LRRC4C: variants seen among roughly 807,000 people sequenced by gnomAD.
LRRC4C encodes the protein leucine rich repeat containing 4C.
Under a neutral mutation model 33.6 loss-of-function variants are expected in LRRC4C, and 5 were observed. The ratio of observed to expected loss-of-function variants is 0.15; its 90% CI spans 0.08 to 0.31. LRRC4C has a LOEUF of 0.31. Among genes scored for constraint, LRRC4C ranks in the 10% least tolerant of loss-of-function variants. The probability of loss-of-function intolerance (pLI) is 1.00; values close to 1 mark genes in which losing one functional copy is unlikely to be tolerated. For missense variants in LRRC4C, 560 were observed against 796.7 expected (o/e 0.70, Z 3.58); for synonymous variants, 329 against 302.0 (o/e 1.09, Z -0.93).
At chr11:40,746,179 A>G (rs911579908) in intron 2 of LRRC4C, among the ~76,000 whole-genome samples, 10 of 152,144 alleles carry the variant, frequency 6.6e-5, no homozygotes, top group African/African-American at 2.4e-4. Flanking sequence ...TGTTTCCACC[A>G]TGGACTCATG....
At chr11:40,966,133 C>G (rs539355994) in intron 1 of LRRC4C, among the ~76,000 whole-genome samples, 1 of 151,888 alleles carries the variant, frequency 6.6e-6, no homozygotes, top group East Asian at 1.9e-4. Flanking sequence ...GAAGTATTTG[C>G]GAGTAGAGAT....
intron 3 of LRRC4C, among the ~76,000 whole-genome samples, chr11:40,353,741 A>C (rs919995793): frequency 1.3e-5 from 2 of 152,060 alleles, no homozygotes; most frequent in African/African-American, 4.8e-5. Context: ...CTCTTTATTA[A>C]ATTTATTTGA....
chr11:40,503,783 T>G (rs1954898063), intron 3 of LRRC4C, among the ~76,000 whole-genome samples: 1 of 152,194 alleles, frequency 6.6e-6, no homozygotes, highest in African/African-American at 2.4e-5. Flanking sequence ...GGCCTTATTT[T>G]ATTAGTGTGG....
intron 3 of LRRC4C, among the ~76,000 whole-genome samples, chr11:40,434,361 G>A (rs963619684): frequency 2.0e-5 from 3 of 152,212 alleles, no homozygotes; most frequent in African/African-American, 4.8e-5. Flanking sequence ...AGGGCGAGCT[G>A]TATTCTTCTG....
At chr11:41,117,622 A>G (rs1043917260) in intron 1 of LRRC4C, among the ~76,000 whole-genome samples, 1 of 152,174 alleles carries the variant, frequency 6.6e-6, no homozygotes, top group Non-Finnish European at 1.5e-5. Flanking sequence ...TCTAAGGAAA[A>G]TATTTGATAG....
At chr11:41,440,349 C>A (rs1241170529) in intron 1 of LRRC4C, among the ~76,000 whole-genome samples, 1 of 152,032 alleles carries the variant, frequency 6.6e-6, no homozygotes, top group African/African-American at 2.4e-5. Context: ...ATGGCATAAT[C>A]TAATGATGAT....
intron 2 of LRRC4C, among the ~76,000 whole-genome samples, chr11:40,664,477 GGA>G (rs1399379484): frequency 6.6e-6 from 1 of 150,548 alleles, no homozygotes. Flanking sequence ...CCCGATGGGT[GGA>G]GGTTGCAGTG....
chr11:41,226,960 C>T (rs1187314694), intron 1 of LRRC4C, among the ~76,000 whole-genome samples: 1 of 151,648 alleles, frequency 6.6e-6, no homozygotes, highest in Non-Finnish European at 1.5e-5. Context: ...GTTATTTGTC[C>T]TTCCTTCCTT....
chr11:40,618,974 G>A (rs893862126), intron 3 of LRRC4C, among the ~76,000 whole-genome samples: 3 of 151,618 alleles, frequency 2.0e-5, no homozygotes, highest in African/African-American at 4.8e-5. Context: ...TCAAAGGTCC[G>A]GGGTTAGTAT....
At chr11:41,415,607 T>G (rs575095393) in intron 1 of LRRC4C, among the ~76,000 whole-genome samples, 4 of 152,068 alleles carry the variant, frequency 2.6e-5, no homozygotes, top group Non-Finnish European at 5.9e-5. Context: ...GTCCCCAACA[T>G]GGATGGGTAA....
At chr11:41,009,686 T>C (rs1412892683) in intron 1 of LRRC4C, among the ~76,000 whole-genome samples, 1 of 152,076 alleles carries the variant, frequency 6.6e-6, no homozygotes, top group Non-Finnish European at 1.5e-5. Flanking sequence ...ATAAAATACA[T>C]AGTTTCTCTT....
chr11:40,201,835 A>T (rs138464899), intron 5 of LRRC4C, among the ~76,000 whole-genome samples: 1 of 152,200 alleles, frequency 6.6e-6, no homozygotes, highest in South Asian at 2.1e-4. Context: ...AACGTGGGGT[A>T]GAAAATGAAG....
intron 2 of LRRC4C, among the ~76,000 whole-genome samples, chr11:40,909,131 G>T (rs1016788535): frequency 1.3e-5 from 2 of 152,022 alleles, no homozygotes; most frequent in African/African-American, 4.8e-5. Context: ...AAGCTTTGAG[G>T]GTAGGGGTTG....
intron 3 of LRRC4C, among the ~76,000 whole-genome samples, chr11:40,574,153 G>A (rs1420175104): frequency 6.6e-6 from 1 of 152,160 alleles, no homozygotes; most frequent in Non-Finnish European, 1.5e-5. Context: ...TATTTCAATT[G>A]ATTCTCCTGT....
chr11:40,573,514 A>G (rs1008446460), intron 3 of LRRC4C, among the ~76,000 whole-genome samples: 41 of 152,106 alleles, frequency 2.7e-4, no homozygotes, highest in Non-Finnish European at 5.0e-4. Context: ...TTCTTTTTTC[A>G]GACTCAGTTC....
At chr11:41,166,924 C>T (rs1346003821) in intron 1 of LRRC4C, among the ~76,000 whole-genome samples, 1 of 152,108 alleles carries the variant, frequency 6.6e-6, no homozygotes, top group Non-Finnish European at 1.5e-5. Flanking sequence ...AACCCCTCTC[C>T]CCCATACAAA....
At chr11:40,620,831 A>G (rs560309432) in intron 3 of LRRC4C, among the ~76,000 whole-genome samples, 13 of 151,804 alleles carry the variant, frequency 8.6e-5, no homozygotes, top group Non-Finnish European at 1.8e-4. Context: ...TGGTAGGGAA[A>G]GTACAATAAT....
At chr11:40,154,138 C>G (rs1400043935) in intron 5 of LRRC4C, among the ~76,000 whole-genome samples, 1 of 152,056 alleles carries the variant, frequency 6.6e-6, no homozygotes, top group Non-Finnish European at 1.5e-5. Flanking sequence ...TCACCCTTCT[C>G]AAACAAAACA....
intron 5 of LRRC4C, among the ~76,000 whole-genome samples, chr11:40,184,813 G>A (rs1861281230): frequency 6.6e-6 from 1 of 152,184 alleles, no homozygotes; most frequent in Non-Finnish European, 1.5e-5. Context: ...TTAGAATAAA[G>A]AGACTGTCCA....
Sources: allele counts gnomAD v4.1 joint callset (sites outside exome capture counted in the v4.1 genomes callset), GRCh38; gene constraint gnomAD v4.1.1; transcripts MANE v1.5; gene names NCBI Gene and HGNC (gene_info 2026-07-23, HGNC 2026-07-21).